CD79A: variants seen among roughly 807,000 people sequenced by gnomAD.
CD79A encodes the protein CD79a molecule.
A neutral mutation model predicts 27.4 loss-of-function variants in CD79A; 16 were observed. That is an observed-to-expected ratio of 0.58 (90% CI 0.40 to 0.89). The LOEUF is 0.89. Ranked by LOEUF, CD79A falls within the 40% of genes least tolerant of loss-of-function variation. The pLI, the probability that CD79A is intolerant of heterozygous loss-of-function variation, is 0.00. For synonymous variants in CD79A, 110 were observed against 132.7 expected (o/e 0.83, Z 1.18); for missense variants, 237 against 299.7 (o/e 0.79, Z 1.55).
At position 41,877,346 on chromosome 19, in the gene CD79A, C is replaced by G; in HGVS notation, c.42C>G (p.Thr14=). The change falls in exon 1 of 5, where the codon ACC becomes ACG. Residue 14 remains threonine (T), a synonymous_variant. Transcript: ENST00000221972. This position sits in a 1 kb window ranked among gnomAD's most constrained non-coding sequence, Gnocchi z 4.1. ...GPGVLQALPA[T]IFLLFLLSAV... ...GAGTCCTCCAAGCTCTGCCTGCCAC[C>G]ATCTTCCTCCTCTTCCTGCTGTCTG... 6.2e-7 allele frequency: 1 copy of G among 1,614,158 alleles called. No homozygotes were observed.
Position 41,877,430 on chromosome 19 carries a change from G to C in CD79A, c.79+47G>C. On this transcript the variant is annotated intron_variant, in intron 1 of 4. Coordinates refer to ENST00000221972, the MANE Select transcript of CD79A (RefSeq NM_001783.4). This position sits in a 1 kb window ranked among gnomAD's most constrained non-coding sequence, Gnocchi z 4.1. ...ACTGGCGGGAGGTGGGGGAAGCTGT[G>C]GAGGCTGCAGAGAGGGCACAGGCAG... 2.0e-6 allele frequency: 3 copies of C among 1,507,160 alleles called. No homozygotes were observed. Among genetic ancestry groups the C allele is most frequent in the Non-Finnish European group, 2.8e-6 (3 of 1,082,392 alleles). The allele number at this position is 1,507,160 out of a possible 1,614,324, so 93.4% of individuals were successfully genotyped here.
In CD79A at chr19:41,880,744, T is replaced by G. The variant is rs1600632851; in HGVS notation, c.567+6T>G. 5 of 1,475,718 alleles carry G rather than the reference T, an allele frequency of 3.4e-6. No individual in the cohort carries two copies. Among genetic ancestry groups the G allele is most frequent in the African/African-American group, 3.2e-5 (2 of 63,052 alleles). 91.4% of individuals were successfully genotyped at this position (1,475,718 alleles called of 1,614,324 possible). The stretch of plus-strand genomic sequence containing the variant: ...AAGATGAAAACCTTTATGAAGTGAG[T>G]GAAGGGTGGGGATGGGGTAGGGGCA... On this transcript the variant is annotated splice_donor_region_variant and intron_variant, in intron 4 of 4. Coordinates refer to ENST00000221972, the MANE Select transcript of CD79A (RefSeq NM_001783.4).
In CD79A at chr19:41,881,147, C is replaced by T. The variant is rs553189072; in HGVS notation, c.*167C>T. On this transcript the variant is annotated 3_prime_UTR_variant, in exon 5 of 5. Transcript: ENST00000221972. ...CTCACTCTTCTCCAGGCCAGGCCTCCTTGGACTCCCCTGGGGGTGTCCCAC... is the reference window on the plus strand; with the variant it reads ...CTCACTCTTCTCCAGGCCAGGCCTCTTTGGACTCCCCTGGGGGTGTCCCAC... 2 of 674,846 alleles carry T rather than the reference C, an allele frequency of 3.0e-6. No individual in the cohort carries two copies. Among genetic ancestry groups the T allele is most frequent in the African/African-American group, 3.5e-5 (2 of 56,828 alleles). 41.8% of individuals were successfully genotyped at this position (674,846 alleles called of 1,614,324 possible).
At chr19:41,880,458 A>AAGGG in intron 3 of CD79A, among the ~76,000 whole-genome samples, 2 of 100,938 alleles carry the variant, frequency 2.0e-5, no homozygotes, top group Non-Finnish European at 4.1e-5. Context: ...GAAGGGAAGG[A>AAGGG]AGGAAGGAAG....
At position 41,879,347 on chromosome 19, in the gene CD79A, T is replaced by A; in HGVS notation, c.379+58T>A. The A allele has an allele frequency of 6.5e-7, 1 of 1,529,440 alleles. No homozygotes were observed. The highest frequency in any genetic ancestry group is 8.9e-7 in the Non-Finnish European group (1 of 1,120,584). 94.7% of individuals were successfully genotyped at this position (1,529,440 alleles called of 1,614,324 possible). On this transcript the variant is annotated intron_variant, in intron 2 of 4. Coordinates refer to ENST00000221972, the MANE Select transcript of CD79A (RefSeq NM_001783.4). This position sits in a 1 kb window ranked among gnomAD's most constrained non-coding sequence, Gnocchi z 5.1. ...TGTCCCGCTGGGGACACTCGGTTTA[T>A]CTTTGAAGTGGGGATAGAGCCAGTA...
intron 3 of CD79A, 25 bp from the exon 4 acceptor site, chr19:41,880,645 G>GCTGGGC: frequency 3.5e-6 from 4 of 1,134,294 alleles, no homozygotes; most frequent in East Asian, 2.6e-5. Flanking sequence ...GCTCACTGAG[G>GCTGGGC]CACCCACCCC....
Position 41,879,699 on chromosome 19 carries a change from C to T in CD79A, c.498+46C>T, listed in dbSNP as rs782589425. 15 of 1,334,878 alleles carry T rather than the reference C, an allele frequency of 1.1e-5. No homozygotes were observed. Among genetic ancestry groups the T allele is most frequent in the Non-Finnish European group, 1.4e-5 (13 of 933,128 alleles). The allele number at this position is 1,334,878 out of a possible 1,614,324, so 82.7% of individuals were successfully genotyped here. On this transcript the variant is annotated intron_variant, in intron 3 of 4. Coordinates refer to ENST00000221972, the MANE Select transcript of CD79A (RefSeq NM_001783.4). This position sits in a 1 kb window ranked among gnomAD's most constrained non-coding sequence, Gnocchi z 5.1. ...GAGTCAGCCGGGCGAGGGCCTGGGC[C>T]GAGGGACCCCCAATACCCAGGTAGC...
At position 41,877,280 on chromosome 19, in the gene CD79A, AAACT is replaced by A. The variant is rs782566112; in HGVS notation, c.-21_-18del. On this transcript the variant is annotated 5_prime_UTR_variant, in exon 1 of 5. Transcript: ENST00000221972. The surrounding 1 kb of genome is among the most constrained non-coding windows in gnomAD (Gnocchi z 4.1). ...TGGTACCCTGGGACTGCTGCAACTCAAACTAACCAACCCACTGGGAGAAGATGCC... is the reference window on the plus strand; with the variant it reads ...TGGTACCCTGGGACTGCTGCAACTCAAACCAACCCACTGGGAGAAGATGCC... The A allele has an allele frequency of 1.2e-6, 2 of 1,603,900 alleles. No homozygotes were observed. The highest frequency in any genetic ancestry group is 1.7e-6 in the Non-Finnish European group (2 of 1,170,704).
chr19:41,880,819 ACCCCAGGTGTCAGGGT>A lies in CD79A; in HGVS notation c.568-47_568-32del, dbSNP rs782726439. On this transcript the variant is annotated intron_variant, in intron 4 of 4. Coordinates refer to ENST00000221972, the MANE Select transcript of CD79A (RefSeq NM_001783.4). ...CCTCTGGGGGTGGCTGGGGGCAGGGACCCCAGGTGTCAGGGTGCTGATGTTCGCTGCCTCATTTCCA... is the reference window on the plus strand; with the variant it reads ...CCTCTGGGGGTGGCTGGGGGCAGGGAGCTGATGTTCGCTGCCTCATTTCCA... 3.3e-6 allele frequency: 5 copies of A among 1,507,318 alleles called. No individual in the cohort carries two copies. The East Asian group carries it at 1.2e-4, about 35-fold the overall frequency. The allele number at this position is 1,507,318 out of a possible 1,614,324, so 93.4% of individuals were successfully genotyped here. A position where few individuals can be genotyped will look rare whatever the true frequency, so the allele number is the denominator to read the frequency against.
At chr19:41,880,788 G>T in intron 4 of CD79A, 50 bp downstream of exon 4, 2 of 1,496,396 alleles carry the variant, frequency 1.3e-6, no homozygotes, top group South Asian at 1.2e-5. Flanking sequence ...AGGGGTGGGG[G>T]TGTTCCCTCT....
At position 41,878,497 on chromosome 19, in the gene CD79A, G is replaced by T. The variant is rs2074201589; in HGVS notation, c.80-493G>T. On this transcript the variant is annotated intron_variant, in intron 1 of 4. Coordinates refer to ENST00000221972, the MANE Select transcript of CD79A (RefSeq NM_001783.4). This position sits in a 1 kb window ranked among gnomAD's most constrained non-coding sequence, Gnocchi z 4.3. The stretch of plus-strand genomic sequence containing the variant: ...GATTACACAAGAAAAAGCGCCAGGT[G>T]CTGGGCCTGGCTGAGGCTGGGGTGC... Among the ~76,000 whole-genome samples the T allele has an allele frequency of 6.6e-6, 1 of 152,206 alleles. No homozygotes were observed.
Position 41,878,856 on chromosome 19 carries a change from G to A in CD79A, c.80-134G>A. ...CCCCAGGATGTATCAGCCCCTGTCA[G>A]GGGCTCTCTCTCTCCCTCCCCACCC... On this transcript the variant is annotated intron_variant, in intron 1 of 4. Transcript: ENST00000221972. This position sits in a 1 kb window ranked among gnomAD's most constrained non-coding sequence, Gnocchi z 4.3. The A allele has an allele frequency of 1.4e-6, 1 of 697,104 alleles. No homozygotes were observed. The highest frequency in any genetic ancestry group is 2.5e-6 in the Non-Finnish European group (1 of 405,848). 43.2% of individuals were successfully genotyped at this position (697,104 alleles called of 1,614,324 possible).
In CD79A at chr19:41,879,018, C is replaced by T; in HGVS notation, c.108C>T (p.His36=). The T allele has an allele frequency of 6.2e-7, 1 of 1,612,344 alleles. No homozygotes were observed. Among genetic ancestry groups the T allele is most frequent in the South Asian group, 1.1e-5 (1 of 91,076 alleles). ...CTGGGTGCCAGGCCCTGTGGATGCA[C>T]AAGGTCCCAGCATCATTGATGGTGA... ...LGPGCQALWM[H]KVPASLMVSL... The change falls in exon 2 of 5, where the codon CAC becomes CAT. Residue 36 remains histidine (H), a synonymous_variant. Coordinates refer to ENST00000221972, the MANE Select transcript of CD79A (RefSeq NM_001783.4). The surrounding 1 kb of genome is among the most constrained non-coding windows in gnomAD (Gnocchi z 5.1).
rs781792670 is a variant in CD79A, at chr19:41,879,686, C to A, written c.498+33C>A. ...CCCTCGGACCTCTGAGTCAGCCGGG[C>A]GAGGGCCTGGGCCGAGGGACCCCCA... On this transcript the variant is annotated intron_variant, in intron 3 of 4. Coordinates refer to ENST00000221972, the MANE Select transcript of CD79A (RefSeq NM_001783.4). This position sits in a 1 kb window ranked among gnomAD's most constrained non-coding sequence, Gnocchi z 5.1. 1.4e-6 allele frequency: 2 copies of A among 1,476,112 alleles called. No individual in the cohort carries two copies. The highest frequency in any genetic ancestry group is 1.1e-5 in the South Asian group (1 of 87,568). 91.4% of individuals were successfully genotyped at this position (1,476,112 alleles called of 1,614,324 possible).
rs1264239631 is a variant in CD79A at position 41,879,960 on chromosome 19, G to A, written c.498+307G>A. On this transcript the variant is annotated intron_variant, in intron 3 of 4. Coordinates refer to ENST00000221972, the MANE Select transcript of CD79A (RefSeq NM_001783.4). The surrounding 1 kb of genome is among the most constrained non-coding windows in gnomAD (Gnocchi z 5.1). ...TCACTCCCCTCCTGCCCTCACCCAG[G>A]AGTGTGGTTACCCTCCAGGTGTAGC... Among the ~76,000 whole-genome samples, 1 of 152,084 alleles carries A rather than the reference G, an allele frequency of 6.6e-6. No homozygotes were observed. Among genetic ancestry groups the A allele is most frequent in the Admixed American group, 6.6e-5 (1 of 15,266 alleles).
rs926961615 is a variant in CD79A, at chr19:41,879,150, C to A, written c.240C>A (p.Phe80Leu). 2 of 1,614,006 alleles carry A rather than the reference C, an allele frequency of 1.2e-6. No homozygotes were observed. The highest frequency in any genetic ancestry group is 1.7e-6 in the Non-Finnish European group (2 of 1,180,040). ...GCAACTACACGTGGCCCCCTGAGTT[C>A]TTGGGCCCGGGCGAGGACCCCAATG... Reference protein sequence around the residue: ...LHGNYTWPPEFLGPGEDPNGT... With the variant: ...LHGNYTWPPELLGPGEDPNGT... The change falls in exon 2 of 5, where the codon TTC (phenylalanine) becomes TTA (leucine). Residue 80 changes from phenylalanine to leucine, a missense_variant. Coordinates refer to ENST00000221972, the MANE Select transcript of CD79A (RefSeq NM_001783.4). This position sits in a 1 kb window ranked among gnomAD's most constrained non-coding sequence, Gnocchi z 5.1.
chr19:41,880,872 G>A lies in CD79A; in HGVS notation c.573G>A (p.Leu191=), dbSNP rs2074220269. ...EYEDENLYEG[L]NLDDCSMYED... is the part of the protein sequence containing the mutation. ...CTGCCTCATTTCCATCCCAGGGCCT[G>A]AACCTGGACGACTGCTCCATGTATG... Residue 191 remains leucine, a synonymous_variant, in exon 5 of 5, where the codon CTG becomes CTA. Transcript: ENST00000221972. The A allele has an allele frequency of 1.2e-6, 2 of 1,601,030 alleles. No individual in the cohort carries two copies. Among genetic ancestry groups the A allele is most frequent in the Non-Finnish European group, 1.7e-6 (2 of 1,174,132 alleles).
In CD79A at chr19:41,879,899, C is replaced by G. The variant is rs1034070673; in HGVS notation, c.498+246C>G. ...GGGCTGTCCTCACGTCCACCTCCCC[C>G]CAAGAAGAGTCTCATTCTTCTCCCT... On this transcript the variant is annotated intron_variant, in intron 3 of 4. Coordinates refer to ENST00000221972, the MANE Select transcript of CD79A (RefSeq NM_001783.4). This position sits in a 1 kb window ranked among gnomAD's most constrained non-coding sequence, Gnocchi z 5.1. Among the ~76,000 whole-genome samples the G allele has an allele frequency of 2.6e-5, 4 of 152,294 alleles. No homozygotes were observed. The highest frequency in any genetic ancestry group is 3.9e-4 in the East Asian group (2 of 5,190).
intron 3 of CD79A, 24 bp from the exon 4 acceptor site, chr19:41,880,646 C>CGGGGGGGGG: frequency 1.9e-4 from 200 of 1,069,038 alleles, no homozygotes; most frequent in Non-Finnish European, 2.6e-4. Flanking sequence ...CTCACTGAGG[C>CGGGGGGGGG]ACCCACCCCA....
Sources: gnomAD v4.1 joint callset for allele counts (sites outside exome capture counted in the v4.1 genomes callset) on GRCh38, gnomAD v4.1.1 for gene constraint, Gnocchi (gnomAD v3.1) non-coding constraint, MANE v1.5 for transcripts, NCBI Gene and HGNC (gene_info 2026-07-23, HGNC 2026-07-21) for gene names.